ZNF804A: variants seen among roughly 807,000 people sequenced by gnomAD.
ZNF804A encodes the protein zinc finger protein 804A.
In ZNF804A, 2 loss-of-function variants were observed where a neutral mutation model predicts 16.5. The observed-to-expected ratio is 0.12, with a 90% confidence interval of 0.05 to 0.38. ZNF804A has a LOEUF of 0.38. Ranked by LOEUF, ZNF804A falls within the 10% of genes least tolerant of loss-of-function variation. The pLI is 0.99. For synonymous variants in ZNF804A, 534 were observed against 489.6 expected (o/e 1.09, Z -1.20); for missense variants, 1,473 against 1,390.7 (o/e 1.06, Z -0.94).
At chr2:184,874,358 A>T (rs1463663128) in intron 2 of ZNF804A, among the ~76,000 whole-genome samples, 1 of 152,140 alleles carries the variant, frequency 6.6e-6, no homozygotes, top group African/African-American at 2.4e-5. Context: ...GCTTTATGTG[A>T]TTGCATACAT....
At position 184,885,775 on chromosome 2, in the gene ZNF804A, G is replaced by A. The variant is rs547222228; in HGVS notation, c.255+19263G>A. Reference sequence around the variant, plus strand: ...ACCCATCAGATCTTGTGAGACTTACGCACTTTCACAAGAACAGCACAGGAA... The same window carrying A: ...ACCCATCAGATCTTGTGAGACTTACACACTTTCACAAGAACAGCACAGGAA... On this transcript the variant is annotated intron_variant, in intron 2 of 3. Transcript: ENST00000302277. Among the ~76,000 whole-genome samples the A allele has an allele frequency of 2.0e-3, 310 of 152,086 alleles. 1 individual carries two copies. The highest frequency in any genetic ancestry group is 7.1e-3 in the African/African-American group (293 of 41,482).
intron 1 of ZNF804A, among the ~76,000 whole-genome samples, chr2:184,735,626 T>G (rs1030459364): frequency 1.7e-4 from 26 of 152,190 alleles, no homozygotes; most frequent in Admixed American, 1.7e-3. Context: ...TTACATATTA[T>G]TACACTAATT....
At position 184,859,298 on chromosome 2, in the gene ZNF804A, T is replaced by A. The variant is rs1362764497; in HGVS notation, c.112-7071T>A. Reference sequence around the variant, plus strand: ...CATAAGGATCTTTTATTCTTTTTTTTAATTATTTCTCCTCTGACTGTATAT... The same window carrying A: ...CATAAGGATCTTTTATTCTTTTTTTAAATTATTTCTCCTCTGACTGTATAT... On this transcript the variant is annotated intron_variant, in intron 1 of 3. Coordinates refer to ENST00000302277, the MANE Select transcript of ZNF804A (RefSeq NM_194250.2). Among the ~76,000 whole-genome samples the A allele has an allele frequency of 4.6e-5, 7 of 152,100 alleles. No individual in the cohort carries two copies. In the South Asian group the frequency reaches 6.2e-4, roughly 13 times the overall value.
chr2:184,714,168 C>T (rs1322464010), intron 1 of ZNF804A, among the ~76,000 whole-genome samples: 1 of 151,974 alleles, frequency 6.6e-6, no homozygotes, highest in African/African-American at 2.4e-5. Context: ...GGTTGATCTG[C>T]TTCAAATGGT....
intron 1 of ZNF804A, among the ~76,000 whole-genome samples, chr2:184,643,355 G>A (rs372134133): frequency 1.3e-5 from 2 of 151,772 alleles, no homozygotes; most frequent in East Asian, 3.9e-4. Flanking sequence ...CCCATAAATG[G>A]CAATAAAAAT....
At chr2:184,758,214 T>C (rs1421916581) in intron 1 of ZNF804A, among the ~76,000 whole-genome samples, 1 of 151,998 alleles carries the variant, frequency 6.6e-6, no homozygotes, top group Non-Finnish European at 1.5e-5. Context: ...GGTGAATATA[T>C]TTATTAGTTT....
chr2:184,821,352 G>A (rs1017413272), intron 1 of ZNF804A, among the ~76,000 whole-genome samples: 6 of 152,090 alleles, frequency 3.9e-5, no homozygotes, highest in African/African-American at 1.4e-4. Context: ...GGGAGAACTG[G>A]CTAGCCATAT....
chr2:184,657,052 G>A lies in ZNF804A; in HGVS notation c.111+57982G>A, dbSNP rs143553931. ...TTTTTGTCTATCCTGAAAATATCTA[G>A]CAGTTTCCTATTTTCTTTCTTTGTG... On this transcript the variant is annotated intron_variant, in intron 1 of 3. Coordinates refer to ENST00000302277, the MANE Select transcript of ZNF804A (RefSeq NM_194250.2). Among the ~76,000 whole-genome samples the A allele has an allele frequency of 4.6e-3, 698 of 152,174 alleles. 8 individuals carry two copies. Among genetic ancestry groups the A allele is most frequent in the African/African-American group, 0.015 (641 of 41,502 alleles).
intron 1 of ZNF804A, among the ~76,000 whole-genome samples, chr2:184,728,993 A>G (rs964632786): frequency 2.0e-5 from 3 of 151,912 alleles, no homozygotes; most frequent in Non-Finnish European, 2.9e-5. Flanking sequence ...AAAATGTCCA[A>G]TTCACAGAAG....
At chr2:184,759,458 G>A (rs867393023) in intron 1 of ZNF804A, among the ~76,000 whole-genome samples, 4 of 151,358 alleles carry the variant, frequency 2.6e-5, no homozygotes, top group Admixed American at 6.6e-5. Flanking sequence ...TACCACCTTT[G>A]CATCTTTTCT....
Position 184,781,994 on chromosome 2 carries a change from T to C in ZNF804A, c.112-84375T>C, listed in dbSNP as rs1694378434. Among the ~76,000 whole-genome samples the C allele has an allele frequency of 1.3e-5, 2 of 151,832 alleles. 1 individual carries two copies. The highest frequency in any genetic ancestry group is 4.1e-4 in the South Asian group (2 of 4,830). ...GCTGATGGCCATTTCTTCTTGTATC[T>C]TCACATCCTCTTCCCTCTGTATGTA... is the stretch of plus-strand genomic sequence containing the variant. On this transcript the variant is annotated intron_variant, in intron 1 of 3. Transcript: ENST00000302277.
chr2:184,864,034 T>A (rs1426681754), intron 1 of ZNF804A, among the ~76,000 whole-genome samples: 1 of 152,218 alleles, frequency 6.6e-6, no homozygotes, highest in African/African-American at 2.4e-5. Flanking sequence ...TTGTGATTTA[T>A]CACTGTCTTA....
At position 184,921,663 on chromosome 2, in the gene ZNF804A, C is replaced by A. The variant is rs539760953; in HGVS notation, c.256-11940C>A. Among the ~76,000 whole-genome samples, 33 of 152,136 alleles carry A rather than the reference C, an allele frequency of 2.2e-4. No individual in the cohort carries two copies. In the South Asian group the frequency reaches 6.8e-3, roughly 32 times the overall value. On this transcript the variant is annotated intron_variant, in intron 2 of 3. Transcript: ENST00000302277. ...CCAGTTACTTTTATTTTTAAATGTACAATTAAATTATTTTTCTGCTATAGT... is the reference window on the plus strand; with the variant it reads ...CCAGTTACTTTTATTTTTAAATGTAAAATTAAATTATTTTTCTGCTATAGT...
In ZNF804A at chr2:184,817,619, G is replaced by A. The variant is rs566781209; in HGVS notation, c.112-48750G>A. ...AATAATGAGCTTTGCTGAGCCAAAGGAGCATATTGTAACCCAATGCAAGGA... is the reference window on the plus strand; with the variant it reads ...AATAATGAGCTTTGCTGAGCCAAAGAAGCATATTGTAACCCAATGCAAGGA... On this transcript the variant is annotated intron_variant, in intron 1 of 3. Coordinates refer to ENST00000302277, the MANE Select transcript of ZNF804A (RefSeq NM_194250.2). 2.5e-3 allele frequency among the ~76,000 whole-genome samples: 373 copies of A among 152,060 alleles called. 3 individuals are homozygous for A. Among genetic ancestry groups the A allele is most frequent in the Non-Finnish European group, 4.2e-3 (288 of 67,922 alleles).
chr2:184,700,602 C>A (rs1282164647), intron 1 of ZNF804A, among the ~76,000 whole-genome samples: 1 of 151,968 alleles, frequency 6.6e-6, no homozygotes, highest in Non-Finnish European at 1.5e-5. Flanking sequence ...CCTGTAAATT[C>A]ATTGGAAGAC....
intron 1 of ZNF804A, among the ~76,000 whole-genome samples, chr2:184,763,538 A>G (rs1694071727): frequency 6.7e-6 from 1 of 148,792 alleles, no homozygotes; most frequent in Admixed American, 6.8e-5. Flanking sequence ...GAAACCCACC[A>G]TTATGAAGGC....
intron 1 of ZNF804A, among the ~76,000 whole-genome samples, chr2:184,761,241 C>A (rs1694032808): frequency 6.6e-6 from 1 of 152,090 alleles, no homozygotes; most frequent in Admixed American, 6.6e-5. Flanking sequence ...TGCATACAGG[C>A]AAGCACAGTT....
chr2:184,837,640 G>T (rs1695372485), intron 1 of ZNF804A, among the ~76,000 whole-genome samples: 1 of 151,756 alleles, frequency 6.6e-6, no homozygotes, highest in Non-Finnish European at 1.5e-5. Flanking sequence ...AATCTTAAAA[G>T]GTATAAATTT....
Position 184,871,421 on chromosome 2 carries a change from A to AC in ZNF804A, c.255+4909_255+4910insC, listed in dbSNP as rs1291743889. On this transcript the variant is annotated intron_variant, in intron 2 of 3. Coordinates refer to ENST00000302277, the MANE Select transcript of ZNF804A (RefSeq NM_194250.2). The stretch of plus-strand genomic sequence containing the variant: ...AACATAGAAATTACTCCAGCAAAAA[A>AC]AAAAAAAACAAAAAAAAACTCAATT... Among the ~76,000 whole-genome samples, 2 of 151,154 alleles carry AC rather than the reference A, an allele frequency of 1.3e-5. 1 individual carries two copies. The highest frequency in any genetic ancestry group is 6.8e-3 in the Middle Eastern group (2 of 292).
Sources: allele counts gnomAD v4.1 joint callset (sites outside exome capture counted in the v4.1 genomes callset), GRCh38; gene constraint gnomAD v4.1.1; transcripts MANE v1.5; gene names NCBI Gene and HGNC (gene_info 2026-07-23, HGNC 2026-07-21).